The following ZNF503 variants were observed in gnomAD, a reference collection of about 807,000 sequenced individuals.
ZNF503 encodes zinc finger protein 503, also known as NocA-like zinc finger 2.
In ZNF503, 15 loss-of-function variants were observed where a neutral mutation model predicts 34.4. The ratio of observed to expected loss-of-function variants is 0.44; its 90% CI spans 0.29 to 0.67. The LOEUF is 0.67. Among genes scored for constraint, ZNF503 ranks in the 30% least tolerant of loss-of-function variants. ZNF503 has a pLI of 0.13. For synonymous variants in ZNF503, 580 were observed against 456.8 expected, an observed-to-expected ratio of 1.27 and a Z score of -3.44; for missense variants, 1,007 against 926.8, an observed-to-expected ratio of 1.09 and a Z score of -1.12.
chr10:75,286,214 C>T, the ZNF503 span, among the ~76,000 whole-genome samples: 16 of 144,550 alleles, frequency 1.1e-4, no homozygotes, highest in African/African-American at 3.9e-4. Context: ...ACCCAGGAGG[C>T]GGAGGTTGCA....
At chr10:75,304,423 G>A in the ZNF503 span, among the ~76,000 whole-genome samples, 1 of 152,108 alleles carries the variant, frequency 6.6e-6, no homozygotes, top group African/African-American at 2.4e-5. Flanking sequence ...ATGTACAGTA[G>A]AAGCTCTGTT....
At chr10:75,289,628 C>G in the ZNF503 span, among the ~76,000 whole-genome samples, 1 of 152,106 alleles carries the variant, frequency 6.6e-6, no homozygotes, top group Non-Finnish European at 1.5e-5. Context: ...CTCTGTCACC[C>G]AGGCTGGAGT....
chr10:75,392,769 A>G, the ZNF503 span, among the ~76,000 whole-genome samples: 1 of 152,250 alleles, frequency 6.6e-6, no homozygotes, highest in Non-Finnish European at 1.5e-5. Context: ...AAGGCTGGTC[A>G]AAATGAAATG....
At chr10:75,354,000 A>G in the ZNF503 span, among the ~76,000 whole-genome samples, 1 of 152,244 alleles carries the variant, frequency 6.6e-6, no homozygotes, top group African/African-American at 2.4e-5. Flanking sequence ...TGGCTTGGTC[A>G]GACCCAAACC....
the ZNF503 span, among the ~76,000 whole-genome samples, chr10:75,366,867 C>T: frequency 3.9e-5 from 6 of 152,332 alleles, no homozygotes; most frequent in African/African-American, 9.6e-5. Context: ...CAACGTCTCC[C>T]AGAGTTTCCC....
the ZNF503 span, among the ~76,000 whole-genome samples, chr10:75,315,928 G>A: frequency 1.3e-5 from 2 of 152,118 alleles, no homozygotes; most frequent in Non-Finnish European, 2.9e-5. Flanking sequence ...AAAAGAGGGT[G>A]GGGTAGACAT....
At chr10:75,386,838 G>C in the ZNF503 span, among the ~76,000 whole-genome samples, 30 of 152,264 alleles carry the variant, frequency 2.0e-4, no homozygotes, top group African/African-American at 7.0e-4. Flanking sequence ...ATCAAGTGCT[G>C]CCTCCTCCCC....
the ZNF503 span, among the ~76,000 whole-genome samples, chr10:75,335,755 T>A: frequency 1.3e-5 from 2 of 152,184 alleles, no homozygotes; most frequent in Non-Finnish European, 2.9e-5. Flanking sequence ...CTCCCTTCCA[T>A]GGTGGTGTGG....
rs768033448 is a variant in ZNF503, at chr10:75,399,369, G to A, written c.1321C>T (p.Leu441=). ...YCLSYHCASH[L]AGAAAASASC... ...GCGCTGGCGGCCGCCGCCCCTGCCAGGTGGCTAGCGCAGTGGTAGCTGAGG... is the reference window on the plus strand; with the variant it reads ...GCGCTGGCGGCCGCCGCCCCTGCCAAGTGGCTAGCGCAGTGGTAGCTGAGG... Residue 441 remains leucine (L), a synonymous_variant, in exon 2 of 2, where the codon CTG becomes TTG. Transcript: ENST00000372524. 5 of 1,606,474 alleles carry A rather than the reference G, an allele frequency of 3.1e-6. No homozygotes were observed. Among genetic ancestry groups the A allele is most frequent in the Non-Finnish European group, 4.2e-6 (5 of 1,178,632 alleles).
chr10:75,290,360 G>A, the ZNF503 span, among the ~76,000 whole-genome samples: 1 of 152,200 alleles, frequency 6.6e-6, no homozygotes, highest in African/African-American at 2.4e-5. Context: ...TGGGCTGTGG[G>A]TCAGATACCT....
the ZNF503 span, chr10:75,361,661 TA>T: frequency 1.3e-5 from 2 of 152,232 alleles, no homozygotes; most frequent in African/African-American, 4.8e-5. Context: ...AGGTGACCAT[TA>T]AATCATTTAC....
the ZNF503 span, among the ~76,000 whole-genome samples, chr10:75,355,000 A>C: frequency 2.7e-5 from 4 of 150,322 alleles, no homozygotes; most frequent in Admixed American, 2.6e-4. Flanking sequence ...CACCACGCCC[A>C]GCTAACTTTT....
chr10:75,343,167 C>G, the ZNF503 span: 1 of 152,252 alleles, frequency 6.6e-6, no homozygotes, highest in African/African-American at 2.4e-5. Flanking sequence ...AGAAGGCATG[C>G]TCACTGAATG....
chr10:75,362,812 G>C, the ZNF503 span, among the ~76,000 whole-genome samples: 5 of 152,090 alleles, frequency 3.3e-5, no homozygotes, highest in Non-Finnish European at 4.4e-5. Context: ...GTGCGAGGGT[G>C]GGGGAACCAC....
the ZNF503 span, among the ~76,000 whole-genome samples, chr10:75,334,663 G>T: frequency 6.6e-6 from 1 of 152,138 alleles, no homozygotes; most frequent in Non-Finnish European, 1.5e-5. Flanking sequence ...ATAAGGTTAG[G>T]CCTTATTTTA....
At chr10:75,362,005 G>C in the ZNF503 span, among the ~76,000 whole-genome samples, 1 of 152,190 alleles carries the variant, frequency 6.6e-6, no homozygotes, top group South Asian at 2.1e-4. Context: ...CTGGGGCATT[G>C]GGTCAACCAA....
chr10:75,358,395 G>C, the ZNF503 span: 2 of 152,212 alleles, frequency 1.3e-5, no homozygotes, highest in African/African-American at 4.8e-5. Context: ...ATTTCCAATG[G>C]AGGGTTGGAA....
the ZNF503 span, among the ~76,000 whole-genome samples, chr10:75,380,656 A>G: frequency 5.1e-4 from 78 of 152,340 alleles, no homozygotes; most frequent in Middle Eastern, 3.4e-3. Flanking sequence ...AGAGGATATG[A>G]AACTGCTTCC....
chr10:75,373,188 G>T, the ZNF503 span, among the ~76,000 whole-genome samples: 1 of 152,240 alleles, frequency 6.6e-6, no homozygotes, highest in Non-Finnish European at 1.5e-5. Flanking sequence ...GCGCTTGGCT[G>T]CAGGGAACTG....
Sources: gnomAD v4.1 joint callset for allele counts (sites outside exome capture counted in the v4.1 genomes callset) on GRCh38, gnomAD v4.1.1 for gene constraint, MANE v1.5 for transcripts, NCBI Gene and HGNC (gene_info 2026-07-23, HGNC 2026-07-21) for gene names.